The following DMD variants were observed in gnomAD, a reference collection of about 807,000 sequenced individuals.
The protein encoded by DMD is dystrophin.
A neutral mutation model predicts 330.1 loss-of-function variants in DMD; 63 were observed. The ratio of observed to expected loss-of-function variants is 0.19; its 90% CI spans 0.16 to 0.24. The LOEUF is 0.24. Among genes scored for constraint, DMD ranks in the 10% least tolerant of loss-of-function variants. The pLI is 1.00. For synonymous variants in DMD, 1,223 were observed against 959.8 expected, an observed-to-expected ratio of 1.27 and a Z score of -5.07; for missense variants, 3,344 against 2,684.1, an observed-to-expected ratio of 1.25 and a Z score of -5.43.
intron 51 of DMD, among the ~76,000 whole-genome samples, chrX:31,749,024 T>C (rs887733530): frequency 9.0e-6 from 1 of 110,879 alleles, no homozygotes; most frequent in Admixed American, 9.5e-5. Context: ...CTATATTCAT[T>C]TTTTTACACA....
intron 29 of DMD, among the ~76,000 whole-genome samples, chrX:32,417,492 T>C (rs1328285318): frequency 9.0e-6 from 1 of 111,316 alleles, no homozygotes; most frequent in Non-Finnish European, 1.9e-5. Flanking sequence ...TCTGAAGATG[T>C]CTGCTTCAGA....
intron 2 of DMD, among the ~76,000 whole-genome samples, chrX:32,882,756 C>T (rs1370343962): frequency 1.8e-5 from 2 of 111,815 alleles, no homozygotes; most frequent in Non-Finnish European, 3.8e-5. Flanking sequence ...TCAAAGTCAA[C>T]ATGAATAGTA....
chrX:32,588,659 T>C (rs1439706251), intron 13 of DMD, among the ~76,000 whole-genome samples: 1 of 111,742 alleles, frequency 8.9e-6, no homozygotes, highest in East Asian at 2.8e-4. Flanking sequence ...AATGTGGAGA[T>C]TGGATGGAAG....
At chrX:32,163,757 T>C (rs2096858308) in intron 44 of DMD, among the ~76,000 whole-genome samples, 1 of 111,652 alleles carries the variant, frequency 9.0e-6, no homozygotes, top group African/African-American at 3.3e-5. Context: ...AAAGCATAGA[T>C]TGTATCAACA....
intron 53 of DMD, among the ~76,000 whole-genome samples, chrX:31,672,817 AG>A (rs2081879389): frequency 8.9e-6 from 1 of 112,021 alleles, no homozygotes; most frequent in South Asian, 3.7e-4. Context: ...AACATGTCAG[AG>A]GTTGCCAAAA....
At chrX:32,698,600 G>A (rs1481632894) in intron 8 of DMD, among the ~76,000 whole-genome samples, 2 of 111,859 alleles carry the variant, frequency 1.8e-5, no homozygotes. Flanking sequence ...ATGTAACGAA[G>A]AATTTCATCA....
At chrX:32,467,829 T>A (rs1046881221) in intron 23 of DMD, among the ~76,000 whole-genome samples, 1 of 109,814 alleles carries the variant, frequency 9.1e-6, no homozygotes, top group Non-Finnish European at 1.9e-5. Flanking sequence ...AGAACAGTAA[T>A]GTAATAAATT....
At chrX:33,118,141 C>T (rs1276210964) in intron 1 of DMD, among the ~76,000 whole-genome samples, 1 of 97,171 alleles carries the variant, frequency 1.0e-5, no homozygotes, top group Admixed American at 1.2e-4. Context: ...GACGGAGTCT[C>T]GCTCTGTCGC....
intron 13 of DMD, among the ~76,000 whole-genome samples, chrX:32,577,306 C>A (rs1042664417): frequency 8.9e-6 from 1 of 111,931 alleles, no homozygotes; most frequent in Non-Finnish European, 1.9e-5. Context: ...GAACTTCTGG[C>A]CCCCAGAATG....
At chrX:31,158,295 T>C (rs1477293502) in intron 74 of DMD, among the ~76,000 whole-genome samples, 4 of 112,194 alleles carry the variant, frequency 3.6e-5, no homozygotes, top group Non-Finnish European at 7.5e-5. Flanking sequence ...ATACGGGCTA[T>C]AATATAGATA....
Position 31,929,319 on chromosome X carries a change from C to T in DMD, c.6912+277G>A, listed in dbSNP as rs111538285. On this transcript the variant is annotated intron_variant, in intron 47 of 78. Coordinates refer to ENST00000357033, the MANE Select transcript of DMD (RefSeq NM_004006.3). ...CCTGGCCACTGAATTAAATACTTCG[C>T]CATTTCTTCAGTCTGATTCTTCAGA... is the stretch of plus-strand genomic sequence containing the variant. Among the ~76,000 whole-genome samples, 3,994 of 111,564 alleles carry T rather than the reference C, an allele frequency of 0.036. 157 individuals are homozygous for T. The highest frequency in any genetic ancestry group is 0.12 in the African/African-American group (3,622 of 30,674).
intron 1 of DMD, among the ~76,000 whole-genome samples, chrX:33,071,276 C>T (rs1227543545): frequency 9.1e-6 from 1 of 110,091 alleles, no homozygotes; most frequent in Non-Finnish European, 1.9e-5. Flanking sequence ...CATGGTGAAA[C>T]CCCGTTTCCA....
chrX:31,877,667 T>TTTTGTG (rs113520900), intron 47 of DMD, among the ~76,000 whole-genome samples: 3 of 102,337 alleles, frequency 2.9e-5, no homozygotes, highest in African/African-American at 1.1e-4. Context: ...TGCTGAACTC[T>TTTTGTG]TGTGTGTGTG....
intron 2 of DMD, among the ~76,000 whole-genome samples, chrX:32,980,401 A>G (rs1461637415): frequency 2.8e-5 from 3 of 106,902 alleles, no homozygotes; most frequent in African/African-American, 1.0e-4. Context: ...AAAGGAGTAA[A>G]ATGGAGTACA....
intron 44 of DMD, among the ~76,000 whole-genome samples, chrX:31,993,379 CATG>C (rs1461851593): frequency 4.5e-5 from 5 of 111,640 alleles, no homozygotes; most frequent in Non-Finnish European, 9.4e-5. Flanking sequence ...CTAGGAGTCT[CATG>C]ACACACAGGC....
intron 44 of DMD, among the ~76,000 whole-genome samples, chrX:32,078,408 C>G (rs2096368561): frequency 8.9e-6 from 1 of 111,998 alleles, no homozygotes; most frequent in African/African-American, 3.2e-5. Flanking sequence ...ATTCCACTTT[C>G]ACCCCCTACA....
At chrX:32,866,823 T>C (rs1438812481) in intron 2 of DMD, among the ~76,000 whole-genome samples, 1 of 107,762 alleles carries the variant, frequency 9.3e-6, no homozygotes. Context: ...AACCTCCGTC[T>C]CCCAGTGTCA....
chrX:33,192,071 G>A lies in DMD; in HGVS notation c.31+19211C>T, dbSNP rs2050680125. ...ACAGGCAAAATACCCTGGGAATTCA[G>A]AGGAAGGAATGCCAAATCACCCAGT... On this transcript the variant is annotated intron_variant, in intron 1 of 78. Transcript: ENST00000357033. Among the ~76,000 whole-genome samples, 5 of 112,027 alleles carry A rather than the reference G, an allele frequency of 4.5e-5. 1 individual carries two copies. The South Asian group carries it at 1.9e-3, about 42-fold the overall frequency.
chrX:33,133,103 A>G (rs759738070), intron 1 of DMD, among the ~76,000 whole-genome samples: 9 of 109,970 alleles, frequency 8.2e-5, no homozygotes, highest in Non-Finnish European at 1.1e-4. Context: ...CATATCTTTG[A>G]TTTTAAAGAA....
Sources: gnomAD v4.1 joint callset for allele counts (sites outside exome capture counted in the v4.1 genomes callset) on GRCh38, gnomAD v4.1.1 for gene constraint, MANE v1.5 for transcripts, NCBI Gene and HGNC (gene_info 2026-07-23, HGNC 2026-07-21) for gene names.